Variants in ASPM observed in about 807,000 individuals in gnomAD.
ASPM encodes the protein abnormal spindle-like microcephaly-associated protein.
A neutral mutation model predicts 366.4 loss-of-function variants in ASPM; 256 were observed. The observed-to-expected ratio is 0.70, with a 90% CI of 0.63 to 0.77. ASPM has a LOEUF of 0.77. Ranked by LOEUF, ASPM falls within the 30% of genes least tolerant of loss-of-function variation. ASPM has a pLI of 0.00. For missense variants in ASPM, 4,146 were observed against 4,090.4 expected (o/e 1.01, Z -0.37); for synonymous variants, 1,414 against 1,342.9 (o/e 1.05, Z -1.16).
intron 4 of ASPM, chr1:197,139,073 T>C (rs900942464): frequency 1.2e-5 from 9 of 748,300 alleles, no homozygotes; most frequent in South Asian, 1.1e-4. Flanking sequence ...CCCAGATCTG[T>C]AAAGCCCATT....
intron 16 of ASPM, among the ~76,000 whole-genome samples, chr1:197,119,106 T>C (rs1657827461): frequency 6.6e-6 from 1 of 152,212 alleles, no homozygotes; most frequent in African/African-American, 2.4e-5. Flanking sequence ...CTGTTATTTT[T>C]ACATATAAAA....
intron 5 of ASPM, among the ~76,000 whole-genome samples, 187 bp from the exon 6 acceptor site, chr1:197,133,782 T>C (rs1010187379): frequency 1.3e-5 from 2 of 152,186 alleles, no homozygotes; most frequent in Non-Finnish European, 2.9e-5. Context: ...ATTCCAAGTC[T>C]AGCCACTTTT....
In ASPM at chr1:197,100,568, C is replaced by T. The variant is rs775263946; in HGVS notation, c.8683G>A (p.Ala2895Thr). ...AAVVLQNHYR[A>T]FLSAKHQRQV... ...CTTTGATGTTTTGCAGACAGAAATG[C>T]TCTGTAGTGATTTTGTAAAACCACT... The change falls in exon 18 of 28, where the codon GCA (alanine) becomes ACA (threonine). Residue 2895 changes from alanine (A) to threonine (T), a missense_variant. Physicochemically the swap from Ala to Thr is moderately conservative, Grantham distance 58 (BLOSUM62 0). Transcript: ENST00000367409. 39 of 1,611,732 alleles carry T rather than the reference C, an allele frequency of 2.4e-5. No individual in the cohort carries two copies. The East Asian group carries it at 6.9e-4, about 29-fold the overall frequency.
Position 197,122,232 on chromosome 1 carries a change from G to A in ASPM, c.3668C>T (p.Ala1223Val). 2 of 1,612,010 alleles carry A rather than the reference G, an allele frequency of 1.2e-6. No individual in the cohort carries two copies. Among genetic ancestry groups the A allele is most frequent in the South Asian group, 1.1e-5 (1 of 91,028 alleles). ...EKKNFHLVRS[A>V]VRDLGGIPAM... ...AGGTATTCCACCAAGGTCTCTAACT[G>A]CAGACCTAACCAAGTGAAAATTTTT... The change falls in exon 15 of 28, where the codon GCA (alanine) becomes GTA (valine). Residue 1223 changes from alanine (A) to valine (V), a missense_variant. By Grantham distance (64) the Ala-to-Val change is moderately conservative. This residue lies in a region of ASPM where 3,624 missense variants were observed against 3,591.7 expected (regional missense o/e 1.01). Coordinates refer to ENST00000367409, the MANE Select transcript of ASPM (RefSeq NM_018136.5).
At position 197,102,090 on chromosome 1, in the gene ASPM, A is replaced by G; in HGVS notation, c.7161T>C (p.Ser2387=). 2 of 1,612,982 alleles carry G rather than the reference A, an allele frequency of 1.2e-6. No individual in the cohort carries two copies. Among genetic ancestry groups the G allele is most frequent in the Non-Finnish European group, 1.7e-6 (2 of 1,179,302 alleles). ...TGAATGCAGCCTGAAGGATCACAGCAGAGTGTCTTTGTCTGAGATAATGCT... is the reference window on the plus strand; with the variant it reads ...TGAATGCAGCCTGAAGGATCACAGCGGAGTGTCTTTGTCTGAGATAATGCT... ...QRQHYLRQRH[S]AVILQAAFRG... The change falls in exon 18 of 28, where the codon TCT becomes TCC. Residue 2387 remains serine, a synonymous_variant. Transcript: ENST00000367409.
At chr1:197,141,871 C>A (rs1658593777) in intron 3 of ASPM, among the ~76,000 whole-genome samples, 1 of 152,110 alleles carries the variant, frequency 6.6e-6, no homozygotes. Flanking sequence ...GTAGAAAGAG[C>A]CACTCTTGGT....
At chr1:197,086,663 T>G in intron 27 of ASPM, 140 bp downstream of exon 27, 1 of 773,522 alleles carries the variant, frequency 1.3e-6, no homozygotes, top group Non-Finnish European at 2.2e-6. Flanking sequence ...TCTTTTAAAT[T>G]TACCAAACAT....
chr1:197,102,896 C>A lies in ASPM; in HGVS notation c.6355G>T (p.Ala2119Ser), dbSNP rs763468728. The A allele has an allele frequency of 1.2e-6, 2 of 1,612,580 alleles. No homozygotes were observed. Among genetic ancestry groups the A allele is most frequent in the Non-Finnish European group, 1.7e-6 (2 of 1,179,222 alleles). ...AACATGGCTTTAATAAAAGTGGCTG[C>A]CCTGTGCATGTGTTGAATATGTCTT... is the stretch of plus-strand genomic sequence containing the variant. ...VRRHIQHMHR[A>S]ATFIKAMFKM... The change falls in exon 18 of 28, where the codon GCA (alanine) becomes TCA (serine). Residue 2119 changes from alanine (A) to serine (S), a missense_variant. Physicochemically the swap from Ala to Ser is moderately conservative, Grantham distance 99. Around this residue, in one of 3 missense-constraint regions of ASPM, gnomAD observed 3,624 missense variants for 3,591.7 expected, o/e 1.01. Transcript: ENST00000367409.
rs1657785873 is a variant in ASPM at position 197,117,813 on chromosome 1, T to G, written c.4041A>C (p.Gln1347His). The change falls in exon 17 of 28, where the codon CAA (glutamine) becomes CAC (histidine). Residue 1347 changes from glutamine (Q) to histidine (H), a missense_variant. Around this residue, in one of 3 missense-constraint regions of ASPM, gnomAD observed 3,624 missense variants for 3,591.7 expected, o/e 1.01. Coordinates refer to ENST00000367409, the MANE Select transcript of ASPM (RefSeq NM_018136.5). ...MLKKEKLEKV[Q>H]NKAASLIQGY... ...CCTGAATAAGTGATGCTGCTTTATTTTGAACTTTTTCCAGCTTTTCCTTTT... is the reference window on the plus strand; with the variant it reads ...CCTGAATAAGTGATGCTGCTTTATTGTGAACTTTTTCCAGCTTTTCCTTTT... 1.9e-6 allele frequency: 3 copies of G among 1,612,780 alleles called. No individual in the cohort carries two copies. The highest frequency in any genetic ancestry group is 2.5e-6 in the Non-Finnish European group (3 of 1,179,422).
At chr1:197,115,859 A>C (rs1363958627) in intron 17 of ASPM, among the ~76,000 whole-genome samples, 1 of 152,166 alleles carries the variant, frequency 6.6e-6, no homozygotes, top group African/African-American at 2.4e-5. Flanking sequence ...CATAATTCTT[A>C]AGGGTCCTAG....
intron 10 of ASPM, among the ~76,000 whole-genome samples, chr1:197,127,438 T>A (rs1277116278): frequency 6.6e-6 from 1 of 152,204 alleles, no homozygotes; most frequent in Non-Finnish European, 1.5e-5. Context: ...TTTTGAGGCA[T>A]AGCAACTTCC....
intron 12 of ASPM, 63 bp from the exon 13 acceptor site, chr1:197,124,394 A>G (rs893520067): frequency 6.0e-5 from 69 of 1,152,826 alleles, no homozygotes; most frequent in Middle Eastern, 2.9e-4. Context: ...TTTAACCCAC[A>G]GAAATCAAAG....
chr1:197,103,717 T>A lies in ASPM; in HGVS notation c.5534A>T (p.Gln1845Leu). ...FRGYNKRVKYQSVLQSIIKIQ... is the reference protein window; with the variant it reads ...FRGYNKRVKYLSVLQSIIKIQ... ...CTTTATTATAGATTGAAGCACAGAT[T>A]GATATTTTACCCTTTTATTATAGCC... Residue 1845 changes from glutamine (Q) to leucine (L), a missense_variant, in exon 18 of 28, where the codon CAA becomes CTA. This residue lies in a region of ASPM where 3,624 missense variants were observed against 3,591.7 expected (regional missense o/e 1.01). Coordinates refer to ENST00000367409, the MANE Select transcript of ASPM (RefSeq NM_018136.5). 1 of 1,612,864 alleles carries A rather than the reference T, an allele frequency of 6.2e-7. No individual in the cohort carries two copies. Among genetic ancestry groups the A allele is most frequent in the Non-Finnish European group, 8.5e-7 (1 of 1,179,362 alleles).
chr1:197,117,401 T>C (rs1444467529), intron 17 of ASPM, among the ~76,000 whole-genome samples: 1 of 151,552 alleles, frequency 6.6e-6, no homozygotes, highest in Non-Finnish European at 1.5e-5. Context: ...CTAAGTGGAG[T>C]AGAGAGAAAA....
chr1:197,084,321 T>G lies in ASPM; in HGVS notation c.*3A>C, dbSNP rs977945087. On this transcript the variant is annotated 3_prime_UTR_variant, in exon 28 of 28. Coordinates refer to ENST00000367409, the MANE Select transcript of ASPM (RefSeq NM_018136.5). ...CTATACATACTGAAAATGTTTACATTTACTAATAAGGAATGCCAAGCGTAT... is the reference window on the plus strand; with the variant it reads ...CTATACATACTGAAAATGTTTACATGTACTAATAAGGAATGCCAAGCGTAT... The G allele has an allele frequency of 2.5e-6, 4 of 1,595,040 alleles. No individual in the cohort carries two copies. The highest frequency in any genetic ancestry group is 3.4e-6 in the Non-Finnish European group (4 of 1,163,186).
At chr1:197,137,268 A>T (rs540285889) in intron 4 of ASPM, among the ~76,000 whole-genome samples, 61 of 152,218 alleles carry the variant, frequency 4.0e-4, no homozygotes, top group Non-Finnish European at 7.2e-4. Context: ...TAGCTAATGT[A>T]CTATTGCTGG....
Position 197,128,648 on chromosome 1 carries a change from A to G in ASPM, c.2778T>C (p.Leu926=), listed in dbSNP as rs781171294. ...TTAGGAAATCTCGTGAAAAAGCCAA[A>G]AGGATTTCTTTACTAGCCTATAAAG... The part of the protein sequence containing the change: ...DAEFKASKEI[L]LAFSRDFLSG... Residue 926 remains leucine, a synonymous_variant, in exon 10 of 28, where the codon CTT becomes CTC. Coordinates refer to ENST00000367409, the MANE Select transcript of ASPM (RefSeq NM_018136.5). 1.2e-6 allele frequency: 2 copies of G among 1,613,010 alleles called. No homozygotes were observed. The highest frequency in any genetic ancestry group is 4.5e-5 in the East Asian group (2 of 44,850).
chr1:197,104,591 G>A lies in ASPM; in HGVS notation c.4660C>T (p.His1554Tyr), dbSNP rs1417442720. The A allele has an allele frequency of 1.2e-6, 2 of 1,612,694 alleles. No homozygotes were observed. Among genetic ancestry groups the A allele is most frequent in the Non-Finnish European group, 1.7e-6 (2 of 1,179,402 alleles). Reference protein sequence around the residue: ...LQAAFRRLKAHNLCRQIRAAC... With the variant: ...LQAAFRRLKAYNLCRQIRAAC... ...GCTCTAATTTGTCTACATAAATTAT[G>A]AGCTTTCAGTCTCCTAAAAGCAGCT... Residue 1554 changes from histidine to tyrosine, a missense_variant, in exon 18 of 28, where the codon CAT (histidine) becomes TAT (tyrosine). His to Tyr is a moderately conservative substitution (Grantham distance 83). Around this residue, in one of 3 missense-constraint regions of ASPM, gnomAD observed 3,624 missense variants for 3,591.7 expected, o/e 1.01. Coordinates refer to ENST00000367409, the MANE Select transcript of ASPM (RefSeq NM_018136.5).
rs189212988 is a variant in ASPM, at chr1:197,104,263, T to A, written c.4988A>T (p.Gln1663Leu). 6.2e-7 allele frequency: 1 copy of A among 1,612,976 alleles called. No individual in the cohort carries two copies. Among genetic ancestry groups the A allele is most frequent in the African/African-American group, 1.3e-5 (1 of 74,958 alleles). The change falls in exon 18 of 28, where the codon CAA becomes CTA. Residue 1663 changes from glutamine (Q) to leucine (L), a missense_variant. Coordinates refer to ENST00000367409, the MANE Select transcript of ASPM (RefSeq NM_018136.5). ...AGAAACATAAGCACGATAATATGAT[T>A]GAATCTTTATAACAGATGTGAGGAT... is the stretch of plus-strand genomic sequence containing the variant. ...IHILTSVIKI[Q>L]SYYRAYVSKK...
Sources: allele counts gnomAD v4.1 joint callset (sites outside exome capture counted in the v4.1 genomes callset), GRCh38; gene constraint gnomAD v4.1.1; regional missense constraint gnomAD v4.1.1; transcripts MANE v1.5; gene names NCBI Gene and HGNC (gene_info 2026-07-23, HGNC 2026-07-21).